Variants in CFAP57 observed in about 807,000 individuals in gnomAD.
CFAP57 encodes the protein cilia and flagella associated protein 57.
In CFAP57, 116 loss-of-function variants were observed where a neutral mutation model predicts 146.8. The ratio of observed to expected loss-of-function variants is 0.79; its 90% CI spans 0.68 to 0.92. The LOEUF is 0.92. Ranked by LOEUF, CFAP57 falls within the 40% of genes least tolerant of loss-of-function variation. The probability of loss-of-function intolerance (pLI) is 0.00; values close to 1 mark genes in which losing one functional copy is unlikely to be tolerated. For synonymous variants in CFAP57, 518 were observed against 552.8 expected (o/e 0.94, Z 0.88); for missense variants, 1,377 against 1,527.2 (o/e 0.90, Z 1.64).
At chr1:43,174,687 G>T (rs994624742) in intron 2 of CFAP57, among the ~76,000 whole-genome samples, 1 of 152,098 alleles carries the variant, frequency 6.6e-6, no homozygotes, top group Non-Finnish European at 1.5e-5. Flanking sequence ...GTGGTGGCAC[G>T]TGCCTGTAGT....
chr1:43,215,310 T>G lies in CFAP57; in HGVS notation c.1985T>G (p.Leu662Arg), dbSNP rs1157233006. The G allele has an allele frequency of 3.2e-6, 5 of 1,551,334 alleles. No individual in the cohort carries two copies. The South Asian group carries it at 5.9e-5, about 18-fold the overall frequency. Residue 662 changes from leucine (L) to arginine (R), a missense_variant, in exon 12 of 23, where the codon CTG (leucine) becomes CGG (arginine). Coordinates refer to ENST00000372492, the MANE Select transcript of CFAP57 (RefSeq NM_001378189.1). ...CTGACTGCTGCTGAGGATGGCTGCC[T>G]GTTCACCTGGAAGGTCTTTGATAAG... ...FLLTAAEDGCLFTWKVFDKDG... is the reference protein window; with the variant it reads ...FLLTAAEDGCRFTWKVFDKDG...
At chr1:43,211,534 C>T (rs1644611290) in intron 11 of CFAP57, 1 of 146,194 alleles carries the variant, frequency 6.8e-6, no homozygotes, top group African/African-American at 2.5e-5. Flanking sequence ...GAGATCGCAC[C>T]ACTACACTCC....
At chr1:43,186,463 T>C (rs3929392) in intron 5 of CFAP57, among the ~76,000 whole-genome samples, 2 of 151,460 alleles carry the variant, frequency 1.3e-5, no homozygotes, top group African/African-American at 2.4e-5. Flanking sequence ...TACAAAAAAT[T>C]AGCCAAGCGC....
At chr1:43,240,212 G>T (rs937854801) in intron 21 of CFAP57, among the ~76,000 whole-genome samples, 1 of 147,948 alleles carries the variant, frequency 6.8e-6, no homozygotes, top group African/African-American at 2.5e-5. Flanking sequence ...GTGAGTAGAT[G>T]AGTTTATTTA....
chr1:43,205,877 G>A (rs577016745), intron 9 of CFAP57, among the ~76,000 whole-genome samples: 4 of 152,280 alleles, frequency 2.6e-5, no homozygotes, highest in African/African-American at 4.8e-5. Context: ...GTAACAGAGC[G>A]AGTCATGGCT....
intron 9 of CFAP57, among the ~76,000 whole-genome samples, chr1:43,205,348 C>G (rs946442828): frequency 2.0e-5 from 3 of 152,220 alleles, no homozygotes; most frequent in Admixed American, 6.5e-5. Context: ...CTGTAGAGCT[C>G]CCTGTCTTAG....
intron 12 of CFAP57, among the ~76,000 whole-genome samples, chr1:43,216,745 T>C (rs1340964255): frequency 6.6e-6 from 1 of 152,200 alleles, no homozygotes; most frequent in Non-Finnish European, 1.5e-5. Flanking sequence ...TTAAAAAGCA[T>C]GTTCCCAGAA....
intron 12 of CFAP57, among the ~76,000 whole-genome samples, chr1:43,217,993 C>T (rs755256955): frequency 6.6e-6 from 1 of 152,182 alleles, no homozygotes; most frequent in Non-Finnish European, 1.5e-5. Flanking sequence ...CTGCTCCATC[C>T]TCTCTGACTT....
chr1:43,184,386 C>T (rs1270392018), intron 4 of CFAP57, among the ~76,000 whole-genome samples: 5 of 152,158 alleles, frequency 3.3e-5, no homozygotes, highest in South Asian at 2.1e-4. Flanking sequence ...AGAGATGCCA[C>T]GTTATCTCTA....
chr1:43,186,625 A>AAAAG lies in CFAP57; in HGVS notation c.970-79_970-78insGAAA, dbSNP rs1643130193. 4.7e-5 allele frequency: 58 copies of AAAAG among 1,236,902 alleles called. No individual in the cohort carries two copies. In the African/African-American group the frequency reaches 7.8e-4, roughly 17 times the overall value. 76.6% of individuals were successfully genotyped at this position (1,236,902 alleles called of 1,614,324 possible). ...GACTCCGTCTCAAAAAAAAAAAAAA[A>AAAAG]AAAAAAAAGAAAACTCTGAAAGCCT... is the stretch of plus-strand genomic sequence containing the variant. On this transcript the variant is annotated intron_variant, in intron 5 of 22. Coordinates refer to ENST00000372492, the MANE Select transcript of CFAP57 (RefSeq NM_001378189.1).
chr1:43,203,757 C>T (rs1016451729), intron 9 of CFAP57, among the ~76,000 whole-genome samples: 1 of 152,162 alleles, frequency 6.6e-6, no homozygotes, highest in East Asian at 1.9e-4. Context: ...CCGTGGCCGG[C>T]CAGCTTTCAA....
Position 43,240,465 on chromosome 1 carries a change from A to G in CFAP57, c.3406-2762A>G, listed in dbSNP as rs897378377. ...ACTGCCTGGCCTTGAGGGTTCAGACAGTGAACATACACCCTTAAGTAACCT... is the reference window on the plus strand; with the variant it reads ...ACTGCCTGGCCTTGAGGGTTCAGACGGTGAACATACACCCTTAAGTAACCT... On this transcript the variant is annotated intron_variant, in intron 21 of 22. Transcript: ENST00000372492. 9.2e-5 allele frequency among the ~76,000 whole-genome samples: 14 copies of G among 152,226 alleles called. 1 individual carries two copies. Among genetic ancestry groups the G allele is most frequent in the Admixed American group, 9.2e-4 (14 of 15,286 alleles).
chr1:43,179,271 C>T (rs909357050), intron 2 of CFAP57, among the ~76,000 whole-genome samples: 4 of 145,318 alleles, frequency 2.8e-5, no homozygotes, highest in Non-Finnish European at 5.9e-5. Flanking sequence ...TACCCTAGAA[C>T]TTAAAGTATA....
rs1367381920 is a variant in CFAP57 at position 43,234,296 on chromosome 1, G to A, written c.3144G>A (p.Ala1048=). 1.3e-5 allele frequency: 20 copies of A among 1,547,494 alleles called. No individual in the cohort carries two copies. Among genetic ancestry groups the A allele is most frequent in the African/African-American group, 4.1e-5 (3 of 72,810 alleles). ...RERQKERDLE[A]LVKRFKTDLH... is the part of the protein sequence containing the mutation. ...GATTGCAGGAGCGAGACTTGGAAGC[G>A]CTGGTCAAAAGGTTTAAAACAGACC... Residue 1048 remains alanine, a synonymous_variant, in exon 20 of 23, where the codon GCG becomes GCA. Coordinates refer to ENST00000372492, the MANE Select transcript of CFAP57 (RefSeq NM_001378189.1).
chr1:43,207,838 G>T (rs1057391409), intron 10 of CFAP57, among the ~76,000 whole-genome samples: 5 of 152,240 alleles, frequency 3.3e-5, no homozygotes, highest in Non-Finnish European at 7.3e-5. Flanking sequence ...GCCCAAGGCA[G>T]ATCTCCCGTG....
intron 4 of CFAP57, 144 bp downstream of exon 4, chr1:43,184,021 G>A (rs879713740): frequency 7.0e-5 from 69 of 982,930 alleles, no homozygotes; most frequent in African/African-American, 3.6e-4. Context: ...TCTAGTTTTC[G>A]TCTATATTTA....
At chr1:43,189,330 G>A (rs936939287) in intron 6 of CFAP57, among the ~76,000 whole-genome samples, 2 of 152,284 alleles carry the variant, frequency 1.3e-5, no homozygotes, top group Admixed American at 6.5e-5. Context: ...GATCAATGTG[G>A]GGAGTGTTGC....
At chr1:43,208,759 G>A (rs966206684) in intron 10 of CFAP57, among the ~76,000 whole-genome samples, 31 of 152,028 alleles carry the variant, frequency 2.0e-4, no homozygotes, top group African/African-American at 3.1e-4. Flanking sequence ...AAACCTGCAC[G>A]TTGTGCACAT....
chr1:43,243,211 TC>T lies in CFAP57; in HGVS notation c.3406-11del, dbSNP rs1362951342. ...TCATCCATCCACCCTCCCTCTCTCT[TC>T]CCCCTTTTCTGCAGGAAAATGTCTC... On this transcript the variant is annotated splice_polypyrimidine_tract_variant and intron_variant, in intron 21 of 22. Transcript: ENST00000372492. 3.2e-6 allele frequency: 5 copies of T among 1,548,796 alleles called. No individual in the cohort carries two copies. In the South Asian group the frequency reaches 6.0e-5, roughly 18 times the overall value.
Sources: allele counts gnomAD v4.1 joint callset (sites outside exome capture counted in the v4.1 genomes callset), GRCh38; gene constraint gnomAD v4.1.1; transcripts MANE v1.5; gene names NCBI Gene and HGNC (gene_info 2026-07-23, HGNC 2026-07-21).